The following ESRRG variants were observed in gnomAD, a reference collection of about 807,000 sequenced individuals.
ESRRG encodes the protein estrogen-related receptor gamma.
ESRRG carries 13 observed loss-of-function variants against 44.0 expected under a neutral mutation model. The observed-to-expected ratio is 0.30, with a 90% CI of 0.19 to 0.47. The LOEUF is 0.47. Among genes scored for constraint, ESRRG ranks in the 20% least tolerant of loss-of-function variants. ESRRG has a pLI of 1.00. For missense variants in ESRRG, 395 were observed against 580.6 expected (o/e 0.68, Z 3.29); for synonymous variants, 215 against 214.6 (o/e 1.00, Z -0.02).
chr1:216,707,244 C>A, intron 1 of ESRRG: 1 of 1,135,948 alleles, frequency 8.8e-7, no homozygotes, highest in Non-Finnish European at 1.2e-6. Context: ...ATTTTTTTTT[C>A]TTTTCATTAA....
rs116405025 is a variant in ESRRG at position 216,586,271 on chromosome 1, A to G, written c.590-18173T>C. ...TCTTTACCAAAACAAATTTTAGCAT[A>G]ATTTTTTAAGACGCTGGAATAAAAC... On this transcript the variant is annotated intron_variant, in intron 3 of 6. Coordinates refer to ENST00000408911, the MANE Select transcript of ESRRG (RefSeq NM_001438.4). Among the ~76,000 whole-genome samples, 584 of 152,216 alleles carry G rather than the reference A, an allele frequency of 3.8e-3. 4 individuals are homozygous for G. The highest frequency in any genetic ancestry group is 0.012 in the African/African-American group (483 of 41,536).
chr1:216,708,836 T>C (rs2082964735), intron 1 of ESRRG, among the ~76,000 whole-genome samples: 1 of 152,074 alleles, frequency 6.6e-6, no homozygotes, highest in African/African-American at 2.4e-5. Context: ...AATGATAGAC[T>C]GGATAAAGAA....
intron 3 of ESRRG, among the ~76,000 whole-genome samples, chr1:216,630,929 T>A (rs777871217): frequency 1.3e-5 from 2 of 152,174 alleles, no homozygotes; most frequent in Non-Finnish European, 2.9e-5. Flanking sequence ...TTCATCAGAT[T>A]TTGTCAGTGT....
At chr1:216,837,576 G>A (rs929181626) in intron 2 of ESRRG, among the ~76,000 whole-genome samples, 1 of 152,118 alleles carries the variant, frequency 6.6e-6, no homozygotes, top group East Asian at 1.9e-4. Flanking sequence ...TAGCCCAGTG[G>A]GTTGGTGCTG....
At chr1:216,727,607 T>C (rs1221601326), upstream of ESRRG, among the ~76,000 whole-genome samples, 8 of 152,122 alleles carry the variant, frequency 5.3e-5, no homozygotes, top group East Asian at 1.5e-3. Flanking sequence ...CCACCAGCCC[T>C]CTATCAATTC....
chr1:216,929,726 G>A (rs1181424435), intron 2 of ESRRG, among the ~76,000 whole-genome samples: 1 of 152,110 alleles, frequency 6.6e-6, no homozygotes, highest in Non-Finnish European at 1.5e-5. Context: ...AGACCACAGG[G>A]GGCCTAGGAG....
At chr1:216,859,740 AG>A in intron 2 of ESRRG, among the ~76,000 whole-genome samples, 1 of 152,320 alleles carries the variant, frequency 6.6e-6, no homozygotes, top group Middle Eastern at 3.4e-3. Flanking sequence ...AAATATTAAA[AG>A]TAAGAATCTA....
chr1:217,105,261 A>C (rs943727961), intron 1 of ESRRG, among the ~76,000 whole-genome samples: 1 of 152,156 alleles, frequency 6.6e-6, no homozygotes, highest in Admixed American at 6.5e-5. Flanking sequence ...GCATAATCCT[A>C]ATAATCAATT....
chr1:216,747,476 T>A (rs2091533498), intron 2 of ESRRG, among the ~76,000 whole-genome samples: 1 of 152,008 alleles, frequency 6.6e-6, no homozygotes, highest in Non-Finnish European at 1.5e-5. Context: ...TTGGGTGAAA[T>A]CCCTCTCCCC....
intron 2 of ESRRG, among the ~76,000 whole-genome samples, chr1:216,857,369 A>G (rs1577307503): frequency 6.6e-6 from 1 of 151,908 alleles, no homozygotes; most frequent in African/African-American, 2.4e-5. Context: ...TGGGAAAAAA[A>G]AAAAAAAGAA....
In ESRRG at chr1:216,836,081, A is replaced by T. The variant is rs1472073153; in HGVS notation, c.-14+103501T>A. Among the ~76,000 whole-genome samples, 4 of 144,084 alleles carry T rather than the reference A, an allele frequency of 2.8e-5. No homozygotes were observed. In the Admixed American group the frequency reaches 2.9e-4, roughly 10 times the overall value. The allele number at this position is 144,084 out of a possible 152,430, so 94.5% of individuals were successfully genotyped here. On this transcript the variant is annotated intron_variant, in intron 2 of 7. Transcript: ENST00000359162. ...TTGTGCAGAGTGAGGGACACAGCCG[A>T]TGCTGCGATTTCAAAAAAAAAAAAA...
intron 1 of ESRRG, among the ~76,000 whole-genome samples, chr1:217,033,006 G>A (rs2082301236): frequency 6.6e-6 from 1 of 152,120 alleles, no homozygotes; most frequent in African/African-American, 2.4e-5. Context: ...CATGACTAAG[G>A]CTTATGGAAG....
intron 2 of ESRRG, among the ~76,000 whole-genome samples, chr1:216,876,001 C>T (rs942568948): frequency 1.3e-5 from 2 of 152,116 alleles, no homozygotes; most frequent in Admixed American, 1.3e-4. Flanking sequence ...ACAATGCTCC[C>T]TAGACTTTTC....
At chr1:216,787,707 C>T (rs752143408) in intron 2 of ESRRG, among the ~76,000 whole-genome samples, 2 of 151,218 alleles carry the variant, frequency 1.3e-5, no homozygotes, top group Non-Finnish European at 2.9e-5. Context: ...AATGGTTAAG[C>T]TTAGTGAGGA....
Position 217,059,209 on chromosome 1 carries a change from T to C in ESRRG, c.-106+30298A>G, listed in dbSNP as rs181781956. ...GGCTCAGGTGAACTATACTAGTTAC[T>C]ACATTACTATTATATAATAATTATG... On this transcript the variant is annotated intron_variant, in intron 1 of 7. Coordinates refer to the ESRRG transcript ENST00000359162. 3.3e-3 allele frequency among the ~76,000 whole-genome samples: 497 copies of C among 150,102 alleles called. 1 individual carries two copies. Among genetic ancestry groups the C allele is most frequent in the Non-Finnish European group, 4.8e-3 (324 of 67,582 alleles).
chr1:216,632,872 AATT>A (rs2064507328), intron 3 of ESRRG, among the ~76,000 whole-genome samples: 1 of 152,216 alleles, frequency 6.6e-6, no homozygotes, highest in Non-Finnish European at 1.5e-5. Flanking sequence ...AGCTGGAGGG[AATT>A]ATTATAAAGT....
chr1:216,677,342 C>T lies in ESRRG; in HGVS notation c.206G>A (p.Ser69Asn). 6.2e-7 allele frequency: 1 copy of T among 1,614,164 alleles called. No homozygotes were observed. The highest frequency in any genetic ancestry group is 8.5e-7 in the Non-Finnish European group (1 of 1,180,032). ...GGSSDASGSY[S>N]STMNGHQNGL... ...GTTCTGATGGCCATTCATGGTTGAA[C>T]TGTAGCTCCCACTGGCGTCTGAAGA... The change falls in exon 2 of 7, where the codon AGT becomes AAT. Residue 69 changes from serine to asparagine, a missense_variant. Physicochemically the swap from Ser to Asn is conservative, Grantham distance 46 (BLOSUM62 1). This residue lies in a region of ESRRG where 148 missense variants were observed against 150.4 expected (regional missense o/e 0.98). Transcript: ENST00000408911.
At chr1:216,575,575 C>T (rs1166609460) in intron 3 of ESRRG, among the ~76,000 whole-genome samples, 2 of 152,068 alleles carry the variant, frequency 1.3e-5, no homozygotes, top group Admixed American at 6.6e-5. Context: ...ACATTTAATC[C>T]TTATAGCAAT....
intron 2 of ESRRG, among the ~76,000 whole-genome samples, chr1:216,655,943 C>T (rs1317935008): frequency 1.3e-5 from 2 of 152,088 alleles, no homozygotes; most frequent in Non-Finnish European, 2.9e-5. Context: ...AGCATTTTAT[C>T]CTAAAAATGT....
Sources: allele counts gnomAD v4.1 joint callset (sites outside exome capture counted in the v4.1 genomes callset), GRCh38; gene constraint gnomAD v4.1.1; regional missense constraint gnomAD v4.1.1; transcripts MANE v1.5; gene names NCBI Gene and HGNC (gene_info 2026-07-23, HGNC 2026-07-21).